Variants in FAT3 observed in about 807,000 individuals in gnomAD.
The protein encoded by FAT3 is FAT atypical cadherin 3.
FAT3 carries 95 observed loss-of-function variants against 310.2 expected under a neutral mutation model. The observed-to-expected ratio is 0.31, with a 90% CI of 0.26 to 0.36. FAT3 has a LOEUF of 0.36. FAT3 is among the 10% of genes least tolerant of loss of function. The pLI is 1.00. For missense variants in FAT3, 5,408 were observed against 5,715.6 expected, an observed-to-expected ratio of 0.95 and a Z score of 1.74; for synonymous variants, 2,314 against 2,192.9, an observed-to-expected ratio of 1.06 and a Z score of -1.54.
chr11:92,399,340 G>T (rs2134856591), intron 2 of FAT3, among the ~76,000 whole-genome samples: 1 of 152,254 alleles, frequency 6.6e-6, no homozygotes, highest in East Asian at 1.9e-4. Context: ...AAAATAACCT[G>T]AGGATAGAAT....
intron 2 of FAT3, among the ~76,000 whole-genome samples, chr11:92,470,172 T>G (rs1951870507): frequency 6.6e-6 from 1 of 152,198 alleles, no homozygotes; most frequent in East Asian, 1.9e-4. Flanking sequence ...AGACCTCTCT[T>G]ACTCTGAAGG....
chr11:92,268,472 T>A (rs1034462800), intron 1 of FAT3, among the ~76,000 whole-genome samples: 1 of 104,626 alleles, frequency 9.6e-6, no homozygotes, highest in African/African-American at 3.9e-5. Flanking sequence ...TAGATTTCCT[T>A]TTTTTTTTTT....
chr11:92,718,775 C>T (rs1390663024), intron 4 of FAT3, among the ~76,000 whole-genome samples: 1 of 152,062 alleles, frequency 6.6e-6, no homozygotes, highest in Non-Finnish European at 1.5e-5. Flanking sequence ...TGAATTTCTA[C>T]AAGTGAACAT....
chr11:92,277,788 C>A (rs1264599622), intron 1 of FAT3, among the ~76,000 whole-genome samples: 1 of 151,900 alleles, frequency 6.6e-6, no homozygotes, highest in Non-Finnish European at 1.5e-5. Context: ...ACTTGTACTC[C>A]AAACTCAGAA....
At chr11:92,566,943 A>G (rs1041865223) in intron 3 of FAT3, among the ~76,000 whole-genome samples, 1 of 152,176 alleles carries the variant, frequency 6.6e-6, no homozygotes, top group African/African-American at 2.4e-5. Flanking sequence ...CGTAGAAGAA[A>G]ACCTAGACAT....
chr11:92,592,024 CT>C (rs1939449477), intron 3 of FAT3, among the ~76,000 whole-genome samples: 1 of 152,030 alleles, frequency 6.6e-6, no homozygotes, highest in South Asian at 2.1e-4. Flanking sequence ...AAACCATGGA[CT>C]TTAGTTAAAA....
chr11:92,680,116 AT>A (rs1943432770), intron 3 of FAT3, among the ~76,000 whole-genome samples: 1 of 145,546 alleles, frequency 6.9e-6, no homozygotes, highest in Non-Finnish European at 1.5e-5. Flanking sequence ...ATTAAGTCTC[AT>A]TTTTCTATTT....
At chr11:92,805,622 C>T (rs533127733) in intron 11 of FAT3, among the ~76,000 whole-genome samples, 3 of 150,242 alleles carry the variant, frequency 2.0e-5, no homozygotes, top group Non-Finnish European at 4.4e-5. Context: ...TTGAGTAATT[C>T]ATAAAGGACT....
intron 4 of FAT3, among the ~76,000 whole-genome samples, chr11:92,701,188 T>A (rs1944086688): frequency 6.6e-6 from 1 of 152,170 alleles, no homozygotes; most frequent in African/African-American, 2.4e-5. Flanking sequence ...TGACTCTTCT[T>A]GAAAGGACCC....
In FAT3 at chr11:92,857,335, C is replaced by T. The variant is rs563814913; in HGVS notation, c.11487C>T (p.Leu3829=). The T allele has an allele frequency of 1.1e-5, 18 of 1,613,962 alleles. No homozygotes were observed. Among genetic ancestry groups the T allele is most frequent in the Middle Eastern group, 1.6e-4 (1 of 6,062 alleles). ...PFLCQCPPGK[L]GECSGHTSLS... ...TCTGCCAGTGTCCACCAGGGAAGCT[C>T]GGAGAGTGCTCAGGTGCAGAGTGGA... is the stretch of plus-strand genomic sequence containing the variant. Residue 3829 remains leucine (L), a synonymous_variant, in exon 20 of 28, where the codon CTC becomes CTT. Coordinates refer to ENST00000525166, the MANE Select transcript of FAT3 (RefSeq NM_001367949.2).
At chr11:92,461,541 G>T (rs1316682428) in intron 2 of FAT3, among the ~76,000 whole-genome samples, 1 of 152,156 alleles carries the variant, frequency 6.6e-6, no homozygotes, top group African/African-American at 2.4e-5. Context: ...TACTTGAGCA[G>T]TTAGAACAGA....
intron 3 of FAT3, among the ~76,000 whole-genome samples, chr11:92,539,057 T>G (rs1954355925): frequency 6.6e-6 from 1 of 152,188 alleles, no homozygotes; most frequent in African/African-American, 2.4e-5. Flanking sequence ...AAATTTCTCT[T>G]CTTTGTAAAA....
At chr11:92,435,930 A>G (rs774913107) in intron 2 of FAT3, among the ~76,000 whole-genome samples, 1 of 151,990 alleles carries the variant, frequency 6.6e-6, no homozygotes, top group Non-Finnish European at 1.5e-5. Flanking sequence ...ATATTAAGTT[A>G]AACACCATTC....
chr11:92,363,095 G>A (rs1378033818), intron 2 of FAT3, among the ~76,000 whole-genome samples: 1 of 152,220 alleles, frequency 6.6e-6, no homozygotes, highest in Non-Finnish European at 1.5e-5. Context: ...CTCAAACATT[G>A]TGATGCTGTA....
At chr11:92,409,534 C>T (rs932734391) in intron 2 of FAT3, among the ~76,000 whole-genome samples, 1 of 152,124 alleles carries the variant, frequency 6.6e-6, no homozygotes, top group Non-Finnish European at 1.5e-5. Context: ...ATCTTTCATT[C>T]ATTCATCCTG....
chr11:92,236,953 G>A (rs2134242334), intron 1 of FAT3, among the ~76,000 whole-genome samples: 1 of 152,236 alleles, frequency 6.6e-6, no homozygotes, highest in South Asian at 2.1e-4. Flanking sequence ...GGGAGCAAGG[G>A]CACATAGGGG....
At chr11:92,573,383 C>T (rs570114479) in intron 3 of FAT3, among the ~76,000 whole-genome samples, 2 of 152,248 alleles carry the variant, frequency 1.3e-5, no homozygotes, top group South Asian at 4.1e-4. Context: ...TAGTAACATC[C>T]CTCTGCTTTC....
At chr11:92,649,090 T>A (rs925288148) in intron 3 of FAT3, among the ~76,000 whole-genome samples, 4 of 152,152 alleles carry the variant, frequency 2.6e-5, no homozygotes, top group African/African-American at 7.2e-5. Context: ...TCATATTCAG[T>A]GTGTGGAAAA....
intron 4 of FAT3, among the ~76,000 whole-genome samples, chr11:92,729,534 C>T (rs1488827154): frequency 2.0e-5 from 3 of 150,934 alleles, no homozygotes; most frequent in African/African-American, 4.9e-5. Flanking sequence ...TCAAGCAATT[C>T]TCCTGCCTCA....
Sources: allele counts gnomAD v4.1 joint callset (sites outside exome capture counted in the v4.1 genomes callset), GRCh38; gene constraint gnomAD v4.1.1; transcripts MANE v1.5; gene names NCBI Gene and HGNC (gene_info 2026-07-23, HGNC 2026-07-21).